The following NNMT variants were observed in gnomAD, a reference collection of about 807,000 sequenced individuals.
NNMT encodes nicotinamide N-methyltransferase.
Under a neutral mutation model 11.7 loss-of-function variants are expected in NNMT, and 10 were observed. That is an observed-to-expected ratio of 0.85 (90% confidence interval 0.53 to 1.45). The LOEUF (loss-of-function observed/expected upper bound fraction) is 1.45, where lower values mean the gene tolerates loss of function less well. NNMT is among the 40% of genes most tolerant of loss of function. NNMT has a pLI of 0.00. For missense variants in NNMT, 381 were observed against 319.4 expected (o/e 1.19, Z -1.47); for synonymous variants, 143 against 133.8 (o/e 1.07, Z -0.48).
chr11:114,311,967 T>C, intron 2 of NNMT, 78 bp from the exon 3 acceptor site: 1 of 1,469,580 alleles, frequency 6.8e-7, no homozygotes, highest in Middle Eastern at 1.8e-4. Context: ...AATACGGCCA[T>C]TTTTAGCCTT....
At chr11:114,302,508 A>G (rs1397384573) in intron 2 of NNMT, among the ~76,000 whole-genome samples, 1 of 152,098 alleles carries the variant, frequency 6.6e-6, no homozygotes, top group Non-Finnish European at 1.5e-5. Flanking sequence ...TATGTATAAC[A>G]CTATAATACA....
At chr11:114,268,330 CAT>C (rs1310934093) in intron 2 of NNMT, among the ~76,000 whole-genome samples, 13 of 152,178 alleles carry the variant, frequency 8.5e-5, no homozygotes, top group Admixed American at 8.5e-4. Context: ...CTAGGCAGAA[CAT>C]CTGTACAGTC....
rs752972410 is a variant in NNMT at position 114,296,725 on chromosome 11, T to G, written c.154+15T>G. 3 of 1,613,658 alleles carry G rather than the reference T, an allele frequency of 1.9e-6. No homozygotes were observed. Among genetic ancestry groups the G allele is most frequent in the Non-Finnish European group, 2.5e-6 (3 of 1,179,668 alleles). On this transcript the variant is annotated intron_variant, in intron 1 of 2. Coordinates refer to ENST00000299964, the MANE Select transcript of NNMT (RefSeq NM_006169.3). Reference sequence around the variant, plus strand: ...ATTCTGCCTAGGTAAGTCTGTTGTCTGCATGTCTCCCCACTAATGTGAGTC... The same window carrying G: ...ATTCTGCCTAGGTAAGTCTGTTGTCGGCATGTCTCCCCACTAATGTGAGTC...
At chr11:114,288,808 A>G (rs1945316109) in intron 2 of NNMT, among the ~76,000 whole-genome samples, 1 of 152,182 alleles carries the variant, frequency 6.6e-6, no homozygotes, top group Non-Finnish European at 1.5e-5. Flanking sequence ...AGCACCATAT[A>G]CATATTTGCT....
At chr11:114,292,177 T>A (rs989255868), upstream of NNMT, among the ~76,000 whole-genome samples, 18 of 152,366 alleles carry the variant, frequency 1.2e-4, no homozygotes, top group African/African-American at 4.3e-4. Context: ...TATAACATTC[T>A]GTCAAACTCC....
intron 2 of NNMT, among the ~76,000 whole-genome samples, chr11:114,280,252 G>A (rs1165239351): frequency 6.6e-6 from 1 of 152,124 alleles, no homozygotes; most frequent in Non-Finnish European, 1.5e-5. Flanking sequence ...AGAAAGAATG[G>A]CACTGTGGAG....
chr11:114,312,483 G>A lies in NNMT; in HGVS notation c.*6G>A, dbSNP rs990134027. 32 of 1,609,104 alleles carry A rather than the reference G, an allele frequency of 2.0e-5. No individual in the cohort carries two copies. Among genetic ancestry groups the A allele is most frequent in the African/African-American group, 2.7e-5 (2 of 74,852 alleles). Reference sequence around the variant, plus strand: ...AGCTGAGCAGACCCCTGTGATGCCTGTGACCTCAATTAAAGCAATTCCTTT... The same window carrying A: ...AGCTGAGCAGACCCCTGTGATGCCTATGACCTCAATTAAAGCAATTCCTTT... On this transcript the variant is annotated 3_prime_UTR_variant, in exon 3 of 3. Transcript: ENST00000299964.
At chr11:114,295,510 C>T (rs1945367487), upstream of NNMT, among the ~76,000 whole-genome samples, 1 of 149,570 alleles carries the variant, frequency 6.7e-6, no homozygotes, top group Non-Finnish European at 1.5e-5. Flanking sequence ...CTGCAAGCTC[C>T]GCCCCCCGGG....
intron 2 of NNMT, among the ~76,000 whole-genome samples, chr11:114,281,906 AG>A (rs1945265809): frequency 6.6e-6 from 1 of 152,184 alleles, no homozygotes; most frequent in Non-Finnish European, 1.5e-5. Context: ...TGCCTGAACA[AG>A]TGACTCCTGT....
chr11:114,258,711 A>C (rs914728649), intron 1 of NNMT, among the ~76,000 whole-genome samples: 1 of 152,128 alleles, frequency 6.6e-6, no homozygotes, highest in Non-Finnish European at 1.5e-5. Flanking sequence ...ATGGAATTCA[A>C]ACTCCTTAAC....
At chr11:114,299,478 T>C (rs1265977188) in intron 2 of NNMT, among the ~76,000 whole-genome samples, 1 of 152,224 alleles carries the variant, frequency 6.6e-6, no homozygotes, top group Non-Finnish European at 1.5e-5. Context: ...AGCTATAATT[T>C]TCTTCTAGTG....
At chr11:114,261,978 G>A (rs1945086771) in intron 1 of NNMT, among the ~76,000 whole-genome samples, 2 of 152,116 alleles carry the variant, frequency 1.3e-5, no homozygotes, top group Admixed American at 1.3e-4. Context: ...GAAAGAAGCA[G>A]GCAGGCCTCG....
At chr11:114,299,351 C>T (rs182225499) in intron 2 of NNMT, among the ~76,000 whole-genome samples, 199 of 152,222 alleles carry the variant, frequency 1.3e-3, no homozygotes, top group African/African-American at 4.5e-3. Context: ...AATTTGTTTG[C>T]ATTTATTAAG....
At chr11:114,299,592 G>A (rs1173635112) in intron 2 of NNMT, among the ~76,000 whole-genome samples, 1 of 152,146 alleles carries the variant, frequency 6.6e-6, no homozygotes, top group Non-Finnish European at 1.5e-5. Flanking sequence ...AGTATTATTA[G>A]TATAATTTCC....
upstream of NNMT, among the ~76,000 whole-genome samples, chr11:114,293,542 G>A (rs1319457474): frequency 6.8e-6 from 1 of 147,780 alleles, no homozygotes; most frequent in Non-Finnish European, 1.5e-5. Context: ...TTTAACTGAG[G>A]TGAGATCATA....
At chr11:114,310,092 G>T (rs2852445) in intron 2 of NNMT, among the ~76,000 whole-genome samples, 110,544 of 152,118 alleles carry the variant, frequency 0.73, 40,840 homozygotes, top group East Asian at 0.91. Flanking sequence ...TTTTTGTATG[G>T]ATATATGTTT....
intron 2 of NNMT, among the ~76,000 whole-genome samples, chr11:114,289,250 T>C (rs866618935): frequency 9.2e-5 from 14 of 152,358 alleles, no homozygotes; most frequent in African/African-American, 2.9e-4. Flanking sequence ...TTTTTATTCC[T>C]GACACTGGGC....
At chr11:114,307,004 A>G (rs1945498228) in intron 2 of NNMT, among the ~76,000 whole-genome samples, 2 of 152,300 alleles carry the variant, frequency 1.3e-5, no homozygotes, top group East Asian at 3.9e-4. Context: ...TTGCAAAAGG[A>G]TATTGATAAG....
chr11:114,262,053 A>C (rs1160525116), intron 1 of NNMT, among the ~76,000 whole-genome samples: 2 of 152,178 alleles, frequency 1.3e-5, no homozygotes, highest in Admixed American at 1.3e-4. Context: ...GGGACGTGAC[A>C]GTAAAAGGCT....
Sources: allele counts gnomAD v4.1 joint callset (sites outside exome capture counted in the v4.1 genomes callset), GRCh38; gene constraint gnomAD v4.1.1; transcripts MANE v1.5; gene names NCBI Gene and HGNC (gene_info 2026-07-23, HGNC 2026-07-21).